Variants in PBX1 observed in about 807,000 individuals in gnomAD.
The protein encoded by PBX1 is PBX homeobox 1.
Under a neutral mutation model 53.4 loss-of-function variants are expected in PBX1, and 6 were observed. That is an observed-to-expected ratio of 0.11 (90% confidence interval 0.06 to 0.22). The LOEUF (loss-of-function observed/expected upper bound fraction) is 0.22, where lower values mean the gene tolerates loss of function less well. Among genes scored for constraint, PBX1 ranks in the 10% least tolerant of loss-of-function variants. PBX1 has a pLI of 1.00. For missense variants in PBX1, 251 were observed against 551.4 expected (o/e 0.46, Z 5.46); for synonymous variants, 204 against 212.3 (o/e 0.96, Z 0.34).
At chr1:164,800,029 G>C in intron 4 of PBX1, 140 bp downstream of exon 4, 1 of 699,116 alleles carries the variant, frequency 1.4e-6, no homozygotes, top group East Asian at 2.7e-5. Context: ...GGTTCTGCGA[G>C]ACTAGATGGG....
At chr1:164,678,579 G>T (rs12125776) in intron 2 of PBX1, among the ~76,000 whole-genome samples, 13,184 of 152,226 alleles carry the variant, frequency 0.087, 637 homozygotes, top group Middle Eastern at 0.13. Context: ...CAGTCATCCA[G>T]CTGCCACAGC....
At chr1:164,835,223 G>T (rs1033809462) in intron 8 of PBX1, among the ~76,000 whole-genome samples, 1 of 144,764 alleles carries the variant, frequency 6.9e-6, no homozygotes, top group Admixed American at 6.9e-5. Flanking sequence ...GAACATTTAA[G>T]CTACTTTTGA....
rs1466888729 is a variant in PBX1, at chr1:164,847,031, A to C, written c.*355A>C. 12 of 1,127,556 alleles carry C rather than the reference A, an allele frequency of 1.1e-5. No individual in the cohort carries two copies. Among genetic ancestry groups the C allele is most frequent in the Non-Finnish European group, 1.3e-5 (12 of 917,000 alleles). 69.8% of individuals were successfully genotyped at this position (1,127,556 alleles called of 1,614,324 possible). On this transcript the variant is annotated 3_prime_UTR_variant, in exon 9 of 9. Coordinates refer to ENST00000420696, the MANE Select transcript of PBX1 (RefSeq NM_002585.4). ...AACAATTAGAGGAATTTAAAGAGGAAAAAAATTACAAAGAAAATAATAAAA... is the reference window on the plus strand; with the variant it reads ...AACAATTAGAGGAATTTAAAGAGGACAAAAATTACAAAGAAAATAATAAAA...
At chr1:164,657,604 A>C (rs1185316126) in intron 2 of PBX1, among the ~76,000 whole-genome samples, 1 of 152,220 alleles carries the variant, frequency 6.6e-6, no homozygotes, top group Non-Finnish European at 1.5e-5. Flanking sequence ...GTTGATAGTA[A>C]AATATGGAGC....
At chr1:164,604,151 G>A (rs1234580126) in intron 2 of PBX1, among the ~76,000 whole-genome samples, 1 of 151,856 alleles carries the variant, frequency 6.6e-6, no homozygotes, top group African/African-American at 2.4e-5. Context: ...ATGTTGTTCA[G>A]GCTAGTCTCG....
chr1:164,862,452 A>G (rs928229317), intron 2 of PBX1, among the ~76,000 whole-genome samples: 3 of 152,202 alleles, frequency 2.0e-5, no homozygotes, highest in Non-Finnish European at 4.4e-5. Flanking sequence ...CTTCCGAACC[A>G]AGAACACTTT....
At chr1:164,862,472 T>C (rs139095648) in intron 2 of PBX1, among the ~76,000 whole-genome samples, 84 of 152,314 alleles carry the variant, frequency 5.5e-4, no homozygotes, top group African/African-American at 1.5e-3. Flanking sequence ...TTATGTCAGC[T>C]TAGTTCAAAC....
chr1:164,716,601 T>C (rs1486524173), intron 2 of PBX1, among the ~76,000 whole-genome samples: 1 of 151,024 alleles, frequency 6.6e-6, no homozygotes, highest in Non-Finnish European at 1.5e-5. Flanking sequence ...ACGCCTGTAA[T>C]GCCAACACTT....
downstream of PBX1, among the ~76,000 whole-genome samples, chr1:164,852,501 C>A (rs1671880527): frequency 6.6e-6 from 1 of 152,220 alleles, no homozygotes; most frequent in Non-Finnish European, 1.5e-5. Flanking sequence ...GTGCCCAAGT[C>A]TTTAACACCA....
At chr1:164,741,512 T>C (rs1368716056) in intron 2 of PBX1, among the ~76,000 whole-genome samples, 1 of 152,226 alleles carries the variant, frequency 6.6e-6, no homozygotes, top group Non-Finnish European at 1.5e-5. Flanking sequence ...CATTTAAATA[T>C]AATATCTGTA....
chr1:164,697,446 A>G (rs1662860043), intron 2 of PBX1, among the ~76,000 whole-genome samples: 1 of 152,178 alleles, frequency 6.6e-6, no homozygotes, highest in African/African-American at 2.4e-5. Context: ...GCCCTTTTCT[A>G]TTCTATGTCA....
intron 2 of PBX1, among the ~76,000 whole-genome samples, chr1:164,604,757 G>A (rs1656437290): frequency 6.6e-6 from 1 of 151,970 alleles, no homozygotes; most frequent in South Asian, 2.1e-4. Flanking sequence ...AATGCATCTT[G>A]GTGTAGAACT....
intron 2 of PBX1, among the ~76,000 whole-genome samples, chr1:164,622,314 C>T (rs1017502581): frequency 1.3e-5 from 2 of 152,140 alleles, no homozygotes; most frequent in African/African-American, 4.8e-5. Flanking sequence ...TAGGATGCTT[C>T]CGGTGGATCT....
intron 2 of PBX1, among the ~76,000 whole-genome samples, chr1:164,619,908 CCATG>C (rs1436248941): frequency 6.6e-6 from 1 of 152,106 alleles, no homozygotes. Flanking sequence ...GCGCCGTGGC[CCATG>C]CCTGTAATCC....
rs779103356 is a variant in PBX1, at chr1:164,786,716, T to TGCGCGCGC, written c.266-5777_266-5776insCGCGCGCG. Among the ~76,000 whole-genome samples, 18 of 99,358 alleles carry TGCGCGCGC rather than the reference T, an allele frequency of 1.8e-4. No individual in the cohort carries two copies. The East Asian group carries it at 2.4e-3, about 13-fold the overall frequency. The allele number at this position is 99,358 out of a possible 152,430, so 65.2% of individuals were successfully genotyped here. On this transcript the variant is annotated intron_variant, in intron 2 of 8. Transcript: ENST00000420696. ...GTGTGTGTGTGTGTGTGTGTGTGTG[T>TGCGCGCGC]GTGTGCGCGCGCACACACACACACG... is the stretch of plus-strand genomic sequence containing the variant.
chr1:164,737,906 G>C (rs558738825), intron 2 of PBX1, among the ~76,000 whole-genome samples: 1 of 151,956 alleles, frequency 6.6e-6, no homozygotes, highest in Non-Finnish European at 1.5e-5. Flanking sequence ...CCCCCCAACC[G>C]GTGCCTGGCA....
At chr1:164,658,531 CT>C (rs1382602374) in intron 2 of PBX1, among the ~76,000 whole-genome samples, 5 of 152,286 alleles carry the variant, frequency 3.3e-5, no homozygotes, top group Admixed American at 6.5e-5. Context: ...AGCTTTTTCT[CT>C]GGATTGCAGC....
At chr1:164,724,668 AGATTTTTTT>A in intron 2 of PBX1, among the ~76,000 whole-genome samples, 1 of 100,220 alleles carries the variant, frequency 1.0e-5, no homozygotes, top group African/African-American at 3.5e-5. Context: ...CAATAGCTGC[AGATTTTTTT>A]TTTTTTTTTT....
chr1:164,700,827 T>A (rs1439018789), intron 2 of PBX1: 17 of 673,850 alleles, frequency 2.5e-5, no homozygotes, highest in Non-Finnish European at 3.1e-5. Flanking sequence ...GCCAGCCCTG[T>A]ATATTGCCAC....
Sources: gnomAD v4.1 joint callset for allele counts (sites outside exome capture counted in the v4.1 genomes callset) on GRCh38, gnomAD v4.1.1 for gene constraint, MANE v1.5 for transcripts, NCBI Gene and HGNC (gene_info 2026-07-23, HGNC 2026-07-21) for gene names.